Variants in LRP1B observed in about 807,000 individuals in gnomAD.
The protein encoded by LRP1B is LDL receptor related protein 1B, also known as low-density lipoprotein receptor-related protein 1B.
In LRP1B, 217 loss-of-function variants were observed where a neutral mutation model predicts 556.6. The observed-to-expected ratio is 0.39, with a 90% CI of 0.35 to 0.44. The LOEUF is 0.44. LRP1B is among the 20% of genes least tolerant of loss of function. The pLI, the probability that LRP1B is intolerant of heterozygous loss-of-function variation, is 1.00. For missense variants in LRP1B, 5,053 were observed against 5,620.8 expected, an observed-to-expected ratio of 0.90 and a Z score of 3.23; for synonymous variants, 2,047 against 1,865.8, an observed-to-expected ratio of 1.10 and a Z score of -2.50.
chr2:140,749,152 G>A (rs72925887), intron 35 of LRP1B, among the ~76,000 whole-genome samples: 1 of 151,472 alleles, frequency 6.6e-6, no homozygotes, highest in African/African-American at 2.4e-5. Flanking sequence ...GATTAAAAAT[G>A]GTACACATAT....
intron 41 of LRP1B, among the ~76,000 whole-genome samples, chr2:140,678,941 C>A (rs896181891): frequency 1.5e-4 from 23 of 152,208 alleles, no homozygotes; most frequent in African/African-American, 4.6e-4. Flanking sequence ...TCATGCCCTG[C>A]TAATTTTCAT....
chr2:140,400,756 C>T (rs766180171), intron 66 of LRP1B, among the ~76,000 whole-genome samples: 5 of 151,804 alleles, frequency 3.3e-5, no homozygotes, highest in African/African-American at 4.9e-5. Flanking sequence ...AAAGAAGTGT[C>T]AGGCAGAAGC....
chr2:140,685,398 C>T (rs974204474), intron 41 of LRP1B, among the ~76,000 whole-genome samples: 2 of 152,108 alleles, frequency 1.3e-5, no homozygotes, highest in Admixed American at 6.6e-5. Context: ...TATCATGCTT[C>T]TAATTTTGCT....
chr2:142,006,064 A>C (rs992222765), intron 1 of LRP1B, among the ~76,000 whole-genome samples: 4 of 152,072 alleles, frequency 2.6e-5, no homozygotes, highest in African/African-American at 9.7e-5. Flanking sequence ...TGTTTGAAGT[A>C]TTTGTTTTCT....
chr2:141,944,468 C>G (rs2105020763), intron 1 of LRP1B, among the ~76,000 whole-genome samples: 1 of 152,192 alleles, frequency 6.6e-6, no homozygotes, highest in East Asian at 1.9e-4. Flanking sequence ...CTGGAAAAAT[C>G]TTGCCTTCCT....
Position 141,059,058 on chromosome 2 carries a change from T to C in LRP1B, c.1237-4A>G. On this transcript the variant is annotated splice_region_variant and splice_polypyrimidine_tract_variant and intron_variant, in intron 8 of 90. Transcript: ENST00000389484. ...TTATACCATAAAGATGTCTAACCTA[T>C]AAAGAGGGCAAAACATAACTATGAT... 6.7e-7 allele frequency: 1 copy of C among 1,483,130 alleles called. No homozygotes were observed. The highest frequency in any genetic ancestry group is 9.0e-7 in the Non-Finnish European group (1 of 1,106,820). The allele number at this position is 1,483,130 out of a possible 1,614,324, so 91.9% of individuals were successfully genotyped here.
intron 41 of LRP1B, among the ~76,000 whole-genome samples, chr2:140,618,831 G>C (rs1035535137): frequency 4.6e-5 from 7 of 151,702 alleles, no homozygotes; most frequent in African/African-American, 1.5e-4. Context: ...CAGAGTTGGG[G>C]GCAAGACGGA....
chr2:140,929,805 T>G (rs1342378238), intron 20 of LRP1B, among the ~76,000 whole-genome samples: 5 of 125,616 alleles, frequency 4.0e-5, no homozygotes, highest in Non-Finnish European at 3.6e-5. Context: ...CAGTTTTACT[T>G]CCCACTTCTC....
At chr2:140,584,225 A>G (rs1430678203) in intron 43 of LRP1B, among the ~76,000 whole-genome samples, 6 of 152,106 alleles carry the variant, frequency 3.9e-5, no homozygotes, top group African/African-American at 1.4e-4. Context: ...AAAAATTAAT[A>G]TAAGTTATTT....
rs79567834 is a variant in LRP1B at position 141,722,432 on chromosome 2, G to A, written c.205+87847C>T. On this transcript the variant is annotated intron_variant, in intron 2 of 90. Transcript: ENST00000389484. ...GTCCCTTCATGCAGAAGGGCCCTGC[G>A]GTTAGATATCTTTGGTGCATAATTT... Among the ~76,000 whole-genome samples, 20 of 152,124 alleles carry A rather than the reference G, an allele frequency of 1.3e-4. No homozygotes were observed. In the East Asian group the frequency reaches 3.7e-3, roughly 28 times the overall value.
chr2:141,631,926 T>A (rs1388958065), intron 2 of LRP1B, among the ~76,000 whole-genome samples: 1 of 152,120 alleles, frequency 6.6e-6, no homozygotes, highest in Admixed American at 6.6e-5. Context: ...TCTTTTTTTT[T>A]AGACAGGGTT....
chr2:140,654,589 G>A (rs1684809985), intron 41 of LRP1B, among the ~76,000 whole-genome samples: 1 of 150,988 alleles, frequency 6.6e-6, no homozygotes, highest in Non-Finnish European at 1.5e-5. Context: ...CTTCATCAGT[G>A]TGAGGCATTT....
At chr2:141,121,296 A>G (rs953706443) in intron 7 of LRP1B, among the ~76,000 whole-genome samples, 6 of 152,108 alleles carry the variant, frequency 3.9e-5, no homozygotes, top group African/African-American at 1.4e-4. Flanking sequence ...ACAGTAGACT[A>G]TGTATGAGGA....
chr2:141,601,234 CTATCT>C (rs1687727255), intron 2 of LRP1B, among the ~76,000 whole-genome samples: 1 of 151,882 alleles, frequency 6.6e-6, no homozygotes, highest in Non-Finnish European at 1.5e-5. Flanking sequence ...ATCTATCTAT[CTATCT>C]ATCTTAATAA....
intron 84 of LRP1B, among the ~76,000 whole-genome samples, chr2:140,278,641 T>C (rs1482966033): frequency 6.6e-6 from 1 of 151,932 alleles, no homozygotes; most frequent in Non-Finnish European, 1.5e-5. Context: ...AAAAGAAAGG[T>C]TTGCTTATGA....
intron 7 of LRP1B, among the ~76,000 whole-genome samples, chr2:141,139,163 T>TTTGTTGTA (rs1701567567): frequency 6.6e-6 from 1 of 151,870 alleles, no homozygotes; most frequent in Admixed American, 6.6e-5. Context: ...ATTCTTAGAT[T>TTTGTTGTA]CATGCCTTAT....
rs1432067472 is a variant in LRP1B, at chr2:141,179,381, A to G, written c.1013+9040T>C. Among the ~76,000 whole-genome samples the G allele has an allele frequency of 2.6e-5, 4 of 152,058 alleles. No homozygotes were observed. In the East Asian group the frequency reaches 7.7e-4, roughly 29 times the overall value. On this transcript the variant is annotated intron_variant, in intron 7 of 90. Coordinates refer to ENST00000389484, the MANE Select transcript of LRP1B (RefSeq NM_018557.3). Reference sequence around the variant, plus strand: ...TTTTAATCTCATTTTATTCCTCACTAAGCCAGATTTAGGAAGTATAAAGAT... The same window carrying G: ...TTTTAATCTCATTTTATTCCTCACTGAGCCAGATTTAGGAAGTATAAAGAT...
At chr2:140,745,345 T>A (rs1688280775) in intron 35 of LRP1B, among the ~76,000 whole-genome samples, 1 of 152,192 alleles carries the variant, frequency 6.6e-6, no homozygotes, top group South Asian at 2.1e-4. Flanking sequence ...TTTCTATTAC[T>A]CAAATTCTTT....
chr2:142,005,169 A>G (rs530636432), intron 1 of LRP1B, among the ~76,000 whole-genome samples: 1 of 150,348 alleles, frequency 6.7e-6, no homozygotes, highest in African/African-American at 2.4e-5. Context: ...CATACTATAT[A>G]TTTATATATA....
Sources: allele counts gnomAD v4.1 joint callset (sites outside exome capture counted in the v4.1 genomes callset), GRCh38; gene constraint gnomAD v4.1.1; transcripts MANE v1.5; gene names NCBI Gene and HGNC (gene_info 2026-07-23, HGNC 2026-07-21).